Variants in FHOD3 observed in about 807,000 individuals in gnomAD.
FHOD3 encodes the protein formin homology 2 domain containing 3.
FHOD3 carries 90 observed loss-of-function variants against 173.0 expected under a neutral mutation model. That is an observed-to-expected ratio of 0.52 (90% CI 0.44 to 0.62). The LOEUF is 0.62. Ranked by LOEUF, FHOD3 falls within the 20% of genes least tolerant of loss-of-function variation. The probability of loss-of-function intolerance (pLI) is 0.00; values close to 1 mark genes in which losing one functional copy is unlikely to be tolerated. For synonymous variants in FHOD3, 828 were observed against 823.0 expected (o/e 1.01, Z -0.10); for missense variants, 1,945 against 2,034.7 (o/e 0.96, Z 0.85).
chr18:36,429,890 G>A (rs116717083), intron 3 of FHOD3, among the ~76,000 whole-genome samples: 2,720 of 152,190 alleles, frequency 0.018, 73 homozygotes, highest in African/African-American at 0.062. Context: ...CTGCGGGCAG[G>A]TCTGTGGGTG....
chr18:36,414,813 A>G (rs1030445693), intron 3 of FHOD3, among the ~76,000 whole-genome samples: 13 of 152,180 alleles, frequency 8.5e-5, no homozygotes, highest in African/African-American at 2.4e-4. Flanking sequence ...GGCACAGGGA[A>G]TGGAAACTCA....
chr18:36,440,640 G>A (rs1168639912), intron 3 of FHOD3, among the ~76,000 whole-genome samples: 1 of 152,232 alleles, frequency 6.6e-6, no homozygotes, highest in African/African-American at 2.4e-5. Flanking sequence ...TCTTGAGGCA[G>A]GAGTGGTGGA....
intron 2 of FHOD3, among the ~76,000 whole-genome samples, chr18:36,366,957 C>CT (rs1216339064): frequency 4.6e-5 from 7 of 152,108 alleles, no homozygotes; most frequent in African/African-American, 1.7e-4. Flanking sequence ...CTGTTGGTTG[C>CT]TGGAGAAAGT....
chr18:36,584,841 C>T (rs546198144), intron 6 of FHOD3, among the ~76,000 whole-genome samples: 1 of 151,280 alleles, frequency 6.6e-6, no homozygotes, highest in African/African-American at 2.4e-5. Flanking sequence ...CTTTTTAAAA[C>T]ATTTACTGAA....
chr18:36,323,563 C>T (rs1168679271), intron 1 of FHOD3, among the ~76,000 whole-genome samples: 2 of 152,190 alleles, frequency 1.3e-5, no homozygotes, highest in African/African-American at 2.4e-5. Flanking sequence ...CAGAGGACTT[C>T]TCACCAGATT....
chr18:36,357,232 T>C (rs2046402387), intron 2 of FHOD3, among the ~76,000 whole-genome samples: 1 of 152,226 alleles, frequency 6.6e-6, no homozygotes, highest in Non-Finnish European at 1.5e-5. Flanking sequence ...GGGTTTCCCC[T>C]GTTTTAACAC....
At chr18:36,655,785 T>G (rs978438705) in intron 13 of FHOD3, among the ~76,000 whole-genome samples, 5 of 151,454 alleles carry the variant, frequency 3.3e-5, no homozygotes, top group African/African-American at 1.2e-4. Flanking sequence ...AAATGCTGAA[T>G]AGTGAGTTGT....
intron 1 of FHOD3, among the ~76,000 whole-genome samples, chr18:36,320,005 A>G (rs1452875124): frequency 2.6e-5 from 4 of 152,244 alleles, no homozygotes; most frequent in South Asian, 4.1e-4. Context: ...AGGGAAATTT[A>G]TAGCACTAAA....
chr18:36,745,304 A>G (rs2042098483), intron 23 of FHOD3, among the ~76,000 whole-genome samples: 4 of 152,206 alleles, frequency 2.6e-5, no homozygotes, highest in African/African-American at 7.2e-5. Flanking sequence ...AGCCTTTCCT[A>G]TCTGGACTCA....
chr18:36,616,653 T>C (rs1289320303), intron 9 of FHOD3, among the ~76,000 whole-genome samples: 1 of 152,214 alleles, frequency 6.6e-6, no homozygotes, highest in Non-Finnish European at 1.5e-5. Context: ...CTTTAAGAAC[T>C]AAAACATTAC....
chr18:36,426,314 TGG>T (rs1390783996), intron 3 of FHOD3, among the ~76,000 whole-genome samples: 4 of 152,272 alleles, frequency 2.6e-5, no homozygotes, highest in Admixed American at 2.0e-4. Context: ...GGTAACTTAA[TGG>T]GGGTGATACA....
At chr18:36,332,947 T>C (rs1308678932) in intron 1 of FHOD3, among the ~76,000 whole-genome samples, 2 of 152,260 alleles carry the variant, frequency 1.3e-5, no homozygotes, top group African/African-American at 2.4e-5. Flanking sequence ...CTCTGCCTGC[T>C]GGGGCAGGCC....
chr18:36,432,317 T>A (rs1347738153), intron 3 of FHOD3, among the ~76,000 whole-genome samples: 3 of 152,152 alleles, frequency 2.0e-5, no homozygotes, highest in East Asian at 1.9e-4. Flanking sequence ...TAAAAAAAAA[T>A]TTAAATAGGA....
At chr18:36,373,968 C>T (rs756676225) in intron 3 of FHOD3, among the ~76,000 whole-genome samples, 5 of 152,158 alleles carry the variant, frequency 3.3e-5, no homozygotes, top group Non-Finnish European at 5.9e-5. Context: ...AATCCAGGCA[C>T]GTAACATGTA....
At chr18:36,475,329 C>T (rs1424379725) in intron 3 of FHOD3, among the ~76,000 whole-genome samples, 1 of 152,048 alleles carries the variant, frequency 6.6e-6, no homozygotes, top group East Asian at 1.9e-4. Context: ...TCCTGAAGGA[C>T]CCTGTAGTTT....
intron 7 of FHOD3, 57 bp downstream of exon 7, chr18:36,594,955 C>A: frequency 8.8e-7 from 1 of 1,141,886 alleles, no homozygotes; most frequent in Non-Finnish European, 1.3e-6. Context: ...TGTAGGGAGG[C>A]TTCTGTGTTG....
chr18:36,370,913 G>A (rs944314088), intron 2 of FHOD3, among the ~76,000 whole-genome samples: 2 of 152,114 alleles, frequency 1.3e-5, no homozygotes, highest in African/African-American at 2.4e-5. Context: ...AATTCAATTT[G>A]GTGCACTTAA....
At chr18:36,639,524 G>T (rs544176715) in intron 10 of FHOD3, among the ~76,000 whole-genome samples, 5 of 152,322 alleles carry the variant, frequency 3.3e-5, no homozygotes, top group Non-Finnish European at 5.9e-5. Flanking sequence ...TTAGCCGGGC[G>T]TGGTGGCGGG....
At chr18:36,533,834 A>G (rs901703636) in intron 5 of FHOD3, among the ~76,000 whole-genome samples, 1 of 152,178 alleles carries the variant, frequency 6.6e-6, no homozygotes, top group Non-Finnish European at 1.5e-5. Flanking sequence ...AGAAAATGGA[A>G]TAGTGGAATA....
Sources: gnomAD v4.1 joint callset for allele counts (sites outside exome capture counted in the v4.1 genomes callset) on GRCh38, gnomAD v4.1.1 for gene constraint, MANE v1.5 for transcripts, NCBI Gene and HGNC (gene_info 2026-07-23, HGNC 2026-07-21) for gene names.